ABI3BP: variants seen among roughly 807,000 people sequenced by gnomAD.
ABI3BP encodes target of Nesh-SH3.
In ABI3BP, 216 loss-of-function variants were observed where a neutral mutation model predicts 268.6. The observed-to-expected ratio is 0.80, with a 90% CI of 0.72 to 0.90. ABI3BP has a LOEUF of 0.90. Among genes scored for constraint, ABI3BP ranks in the 40% least tolerant of loss-of-function variants. ABI3BP has a pLI of 0.00. For missense variants in ABI3BP, 2,090 were observed against 2,182.4 expected (o/e 0.96, Z 0.84); for synonymous variants, 730 against 730.0 (o/e 1.00, Z 0.00).
intron 1 of ABI3BP, among the ~76,000 whole-genome samples, chr3:100,938,816 G>A (rs2153700448): frequency 6.6e-6 from 1 of 152,280 alleles, no homozygotes; most frequent in East Asian, 1.9e-4. Context: ...GTCTGTGTAA[G>A]GTGGTTGTAG....
At chr3:100,980,329 C>T (rs1472424245) in intron 1 of ABI3BP, among the ~76,000 whole-genome samples, 1 of 152,096 alleles carries the variant, frequency 6.6e-6, no homozygotes, top group Non-Finnish European at 1.5e-5. Context: ...CTCCCCGGTT[C>T]ACGCCATTCT....
Position 100,862,859 on chromosome 3 carries a change from C to A in ABI3BP, c.1189G>T (p.Glu397Ter). The change falls in exon 13 of 68, where the codon GAG (glutamate) becomes TAG (stop). Residue 397 changes from glutamate (E) to a stop codon, truncating the protein, a stop_gained. Transcript: ENST00000471714. LOFTEE classifies it high-confidence loss of function. The stretch of plus-strand genomic sequence containing the variant: ...TTACCCAATGTGCCCCTAGGTTTCT[C>A]AAAAGGGAAGGGTGTTTTTGCCTCA... ...FPEAKTPFPF[E>*]KPRGTLASSE... The A allele has an allele frequency of 6.5e-7, 1 of 1,535,550 alleles. No individual in the cohort carries two copies. The highest frequency in any genetic ancestry group is 8.7e-7 in the Non-Finnish European group (1 of 1,146,618).
intron 9 of ABI3BP, among the ~76,000 whole-genome samples, chr3:100,872,770 A>AT (rs1396530504): frequency 1.8e-4 from 27 of 152,308 alleles, no homozygotes; most frequent in Admixed American, 1.6e-3. Context: ...GTAGGGTTGG[A>AT]TAACAGGGTT....
chr3:100,893,637 C>T (rs534981692), intron 4 of ABI3BP, among the ~76,000 whole-genome samples: 22 of 151,382 alleles, frequency 1.5e-4, no homozygotes, highest in East Asian at 3.9e-4. Flanking sequence ...GAGGACTGTG[C>T]AGATGGTGCA....
At chr3:100,874,787 T>C in intron 9 of ABI3BP, 54 bp downstream of exon 9, 1 of 1,028,612 alleles carries the variant, frequency 9.7e-7, no homozygotes, top group Non-Finnish European at 1.4e-6. Flanking sequence ...CCTAAGAATA[T>C]CAGTGCTAGT....
intron 46 of ABI3BP, 123 bp from the exon 47 acceptor site, chr3:100,811,922 T>A (rs2097869782): frequency 1.4e-6 from 1 of 734,158 alleles, no homozygotes; most frequent in South Asian, 1.8e-5. Context: ...TTGAGAATAA[T>A]TAACATTTAG....
intron 21 of ABI3BP, among the ~76,000 whole-genome samples, chr3:100,841,420 C>T (rs2098700978): frequency 6.6e-6 from 1 of 151,762 alleles, no homozygotes; most frequent in South Asian, 2.1e-4. Context: ...TGGCAATAAA[C>T]AGGTTAGAAC....
chr3:100,764,167 T>C (rs1317362009), intron 63 of ABI3BP, among the ~76,000 whole-genome samples: 3 of 152,236 alleles, frequency 2.0e-5, no homozygotes, highest in African/African-American at 7.2e-5. Flanking sequence ...TATAATCACC[T>C]GACTAGCTCC....
chr3:100,934,879 C>G (rs901497885), intron 1 of ABI3BP, among the ~76,000 whole-genome samples: 1 of 151,956 alleles, frequency 6.6e-6, no homozygotes, highest in Non-Finnish European at 1.5e-5. Context: ...GGATATTAAC[C>G]CTTTGTCAGA....
intron 20 of ABI3BP, among the ~76,000 whole-genome samples, chr3:100,842,813 A>T (rs928024896): frequency 1.3e-5 from 2 of 152,232 alleles, no homozygotes; most frequent in Admixed American, 6.5e-5. Context: ...TCTATCAACA[A>T]AAAGTATTGT....
intron 2 of ABI3BP, among the ~76,000 whole-genome samples, chr3:100,910,698 G>A (rs2056034387): frequency 6.6e-6 from 1 of 152,086 alleles, no homozygotes; most frequent in African/African-American, 2.4e-5. Flanking sequence ...TATAAAGAAT[G>A]TGTCAGTGTA....
intron 40 of ABI3BP, 79 bp from the exon 41 acceptor site, chr3:100,818,660 T>A: frequency 8.8e-7 from 1 of 1,139,116 alleles, no homozygotes; most frequent in Non-Finnish European, 1.2e-6. Flanking sequence ...TCAATCAGTA[T>A]ATAGCAATTT....
chr3:100,920,320 G>A (rs1329175821), intron 2 of ABI3BP, among the ~76,000 whole-genome samples: 1 of 152,186 alleles, frequency 6.6e-6, no homozygotes, highest in Non-Finnish European at 1.5e-5. Context: ...GCTCAGAAGT[G>A]TTAGGTAAAT....
At chr3:100,819,336 A>G (rs1324604595) in intron 40 of ABI3BP, among the ~76,000 whole-genome samples, 1 of 152,080 alleles carries the variant, frequency 6.6e-6, no homozygotes, top group Non-Finnish European at 1.5e-5. Flanking sequence ...ACTTCTTTCC[A>G]ATTATTTATT....
chr3:100,850,618 T>C (rs938272964), intron 16 of ABI3BP, 42 bp downstream of exon 16: 2 of 1,477,194 alleles, frequency 1.4e-6, no homozygotes, highest in African/African-American at 1.4e-5. Flanking sequence ...ATTTTTTTTT[T>C]TGATGGAAAA....
chr3:100,750,744 CAAGAA>C lies in ABI3BP; in HGVS notation c.5246-139_5246-135del, dbSNP rs1249734529. ...GCGAGGTAATTTAGAAAACTGAGAG[CAAGAA>C]GTTCTGGTGTTTTTTCCTGAGGTGT... On this transcript the variant is annotated intron_variant, in intron 67 of 67. Transcript: ENST00000471714. 22 of 625,664 alleles carry C rather than the reference CAAGAA, an allele frequency of 3.5e-5. No individual in the cohort carries two copies. The Middle Eastern group carries it at 8.0e-4, about 23-fold the overall frequency. 38.8% of individuals were successfully genotyped at this position (625,664 alleles called of 1,614,324 possible). A position where few individuals can be genotyped will look rare whatever the true frequency, so the allele number is the denominator to read the frequency against.
At chr3:100,914,174 G>GA (rs10717203) in intron 2 of ABI3BP, among the ~76,000 whole-genome samples, 100 of 148,382 alleles carry the variant, frequency 6.7e-4, no homozygotes, top group East Asian at 5.1e-3. Flanking sequence ...TTTTCATGTG[G>GA]AAAAAAAAAA....
intron 1 of ABI3BP, among the ~76,000 whole-genome samples, chr3:100,948,620 T>C (rs147771387): frequency 2.6e-5 from 4 of 152,284 alleles, no homozygotes; most frequent in Non-Finnish European, 4.4e-5. Flanking sequence ...AAATCACTCA[T>C]TTCACTTCCC....
chr3:100,935,764 A>G (rs1375198682), intron 1 of ABI3BP, among the ~76,000 whole-genome samples: 1 of 152,066 alleles, frequency 6.6e-6, no homozygotes, highest in Non-Finnish European at 1.5e-5. Context: ...TTCACTCATG[A>G]TTTGGCTCTC....
Sources: gnomAD v4.1 joint callset for allele counts (sites outside exome capture counted in the v4.1 genomes callset) on GRCh38, gnomAD v4.1.1 for gene constraint, MANE v1.5 for transcripts, NCBI Gene and HGNC (gene_info 2026-07-23, HGNC 2026-07-21) for gene names.